Variants in MED13L observed in about 807,000 individuals in gnomAD.
MED13L encodes the protein mediator complex subunit 13L, also known as mediator of RNA polymerase II transcription subunit 13-like.
MED13L carries 7 observed loss-of-function variants against 220.9 expected under a neutral mutation model. That is an observed-to-expected ratio of 0.03 (90% CI 0.02 to 0.06). The LOEUF (loss-of-function observed/expected upper bound fraction) is 0.06. Among genes scored for constraint, MED13L ranks in the 10% least tolerant of loss-of-function variants. The probability of loss-of-function intolerance (pLI) is 1.00; values close to 1 mark genes in which losing one functional copy is unlikely to be tolerated. For synonymous variants in MED13L, 1,011 were observed against 1,015.2 expected (o/e 1.00, Z 0.08); for missense variants, 1,965 against 2,760.5 (o/e 0.71, Z 6.46).
intron 4 of MED13L, among the ~76,000 whole-genome samples, chr12:116,051,046 T>A (rs566634872): frequency 6.6e-6 from 1 of 152,216 alleles, no homozygotes; most frequent in Non-Finnish European, 1.5e-5. Context: ...CAAAACTGTA[T>A]GCATAATACG....
At chr12:116,001,025 T>C (rs1878705191) in intron 14 of MED13L, among the ~76,000 whole-genome samples, 2 of 152,188 alleles carry the variant, frequency 1.3e-5, no homozygotes, top group African/African-American at 4.8e-5. Flanking sequence ...AATAATTTTA[T>C]ACTAATTACA....
rs1415041515 is a variant in MED13L, at chr12:115,987,086, T to G, written c.4114+23A>C. Reference sequence around the variant, plus strand: ...GAACAGCACTGAAGTCAGAAGGAATTTTAAACAGGACAAAGACCCTACCGT... The same window carrying G: ...GAACAGCACTGAAGTCAGAAGGAATGTTAAACAGGACAAAGACCCTACCGT... On this transcript the variant is annotated intron_variant, in intron 18 of 30. Transcript: ENST00000281928. 7 of 1,613,120 alleles carry G rather than the reference T, an allele frequency of 4.3e-6. No individual in the cohort carries two copies. In the Admixed American group the frequency reaches 8.3e-5, roughly 19 times the overall value.
intron 4 of MED13L, among the ~76,000 whole-genome samples, chr12:116,031,767 G>GAAAAGAAAAGAAAAGAAAAGAAAAGAAAA (rs1566020980): frequency 7.7e-6 from 1 of 129,276 alleles, no homozygotes; most frequent in Non-Finnish European, 1.7e-5. Flanking sequence ...AAAGAAGGAA[G>GAAAAGAAAAGAAAAGAAAAGAAAAGAAAA]GAAGGAAGGA....
At chr12:116,070,550 C>A (rs1488864459) in intron 4 of MED13L, among the ~76,000 whole-genome samples, 1 of 152,150 alleles carries the variant, frequency 6.6e-6, no homozygotes, top group Non-Finnish European at 1.5e-5. Context: ...TGCAGGCAGT[C>A]TAGCCTCAAA....
At chr12:116,157,829 T>C (rs1235881770) in intron 2 of MED13L, among the ~76,000 whole-genome samples, 1 of 152,162 alleles carries the variant, frequency 6.6e-6, no homozygotes, top group Non-Finnish European at 1.5e-5. Flanking sequence ...CCCAGTGTGT[T>C]TTAAAAGATA....
intron 17 of MED13L, among the ~76,000 whole-genome samples, chr12:115,990,380 G>A (rs1380763306): frequency 1.3e-5 from 2 of 152,232 alleles, no homozygotes; most frequent in Non-Finnish European, 2.9e-5. Context: ...GAAAGTCCAT[G>A]AGGGTAAGTG....
chr12:116,032,067 AGAC>A (rs983422828), intron 4 of MED13L, among the ~76,000 whole-genome samples: 1 of 152,178 alleles, frequency 6.6e-6, no homozygotes, highest in Admixed American at 6.5e-5. Context: ...AACCAATAAA[AGAC>A]AGCTTAGGTT....
chr12:116,139,161 C>A (rs1876836183), intron 2 of MED13L, among the ~76,000 whole-genome samples: 1 of 151,944 alleles, frequency 6.6e-6, no homozygotes, highest in Non-Finnish European at 1.5e-5. Context: ...AAGCAAAGAC[C>A]CCCTGAGTCA....
intron 4 of MED13L, among the ~76,000 whole-genome samples, chr12:116,083,887 TAAAGGAGATC>T (rs1251040222): frequency 1.3e-5 from 2 of 152,094 alleles, no homozygotes; most frequent in East Asian, 1.9e-4. Context: ...CCTCCTTAGT[TAAAGGAGATC>T]AAAGGAGATC....
chr12:116,241,219 C>T (rs1484425403), intron 1 of MED13L, among the ~76,000 whole-genome samples: 1 of 151,286 alleles, frequency 6.6e-6, no homozygotes, highest in Non-Finnish European at 1.5e-5. Context: ...GCAGGAGAAT[C>T]GCTTGAACCC....
chr12:116,181,366 A>T (rs1880511773), intron 2 of MED13L: 1 of 152,176 alleles, frequency 6.6e-6, no homozygotes, highest in Non-Finnish European at 1.5e-5. Context: ...TCTTCTGTTC[A>T]AGAACACACA....
chr12:116,258,777 GAAAAAA>G (rs558738933), intron 1 of MED13L, among the ~76,000 whole-genome samples: 1 of 56,118 alleles, frequency 1.8e-5, no homozygotes, highest in Admixed American at 1.4e-4. Context: ...CTCCATCTCA[GAAAAAA>G]AAAAAAAAAA....
At chr12:116,259,096 T>C (rs868357765) in intron 1 of MED13L, among the ~76,000 whole-genome samples, 3 of 152,040 alleles carry the variant, frequency 2.0e-5, no homozygotes, top group African/African-American at 4.8e-5. Flanking sequence ...CAGCAAAAAA[T>C]TGAAAGAATC....
chr12:116,277,019 C>CCT, intron 1 of MED13L, 41 bp downstream of exon 1: 1 of 1,418,206 alleles, frequency 7.1e-7, no homozygotes, highest in South Asian at 1.2e-5. Flanking sequence ...GACCCCCCCC[C>CCT]TTCCCCGGCA....
intron 2 of MED13L, chr12:116,232,023 A>G: frequency 3.2e-6 from 3 of 941,592 alleles, no homozygotes; most frequent in Non-Finnish European, 3.8e-6. Context: ...CAATGAGTTC[A>G]ATAAACAATA....
At chr12:116,034,461 C>T (rs1347424230) in intron 4 of MED13L, among the ~76,000 whole-genome samples, 1 of 152,286 alleles carries the variant, frequency 6.6e-6, no homozygotes, top group East Asian at 1.9e-4. Context: ...CATCATTAGC[C>T]TTGAGAACAA....
intron 2 of MED13L, among the ~76,000 whole-genome samples, chr12:116,111,827 TAA>T (rs1348861356): frequency 2.6e-5 from 4 of 152,138 alleles, no homozygotes; most frequent in African/African-American, 9.7e-5. Flanking sequence ...TTAATCTATT[TAA>T]GAGTATCGCA....
intron 4 of MED13L, among the ~76,000 whole-genome samples, chr12:116,090,016 A>G (rs935123632): frequency 1.3e-5 from 2 of 152,200 alleles, no homozygotes; most frequent in African/African-American, 4.8e-5. Flanking sequence ...ATATACTGCA[A>G]TATCATTCTA....
At chr12:116,237,413 A>G (rs1870189828) in intron 2 of MED13L, 55 bp downstream of exon 2, 24 of 1,336,490 alleles carry the variant, frequency 1.8e-5, no homozygotes, top group Non-Finnish European at 2.4e-5. Context: ...GAAATTTATC[A>G]ATGTTCAAAA....
Sources: gnomAD v4.1 joint callset for allele counts (sites outside exome capture counted in the v4.1 genomes callset) on GRCh38, gnomAD v4.1.1 for gene constraint, MANE v1.5 for transcripts, NCBI Gene and HGNC (gene_info 2026-07-23, HGNC 2026-07-21) for gene names.